Variants in HOMER2 observed in about 807,000 individuals in gnomAD.
The protein encoded by HOMER2 is homer scaffold protein 2.
A neutral mutation model predicts 47.0 loss-of-function variants in HOMER2; 27 were observed. That is an observed-to-expected ratio of 0.57 (90% CI 0.42 to 0.79). The LOEUF is 0.79. Among genes scored for constraint, HOMER2 ranks in the 30% least tolerant of loss-of-function variants. The pLI, the probability that HOMER2 is intolerant of heterozygous loss-of-function variation, is 0.00. For missense variants in HOMER2, 443 were observed against 435.0 expected, an observed-to-expected ratio of 1.02 and a Z score of -0.16; for synonymous variants, 161 against 163.8, an observed-to-expected ratio of 0.98 and a Z score of 0.13.
chr15:82,839,382 C>G (rs1360881663), exon 2 of HOMER2: 1 of 152,226 alleles, frequency 6.6e-6, no homozygotes, highest in Non-Finnish European at 1.5e-5. Context: ...CCCCAGCCCC[C>G]ACTTCCACTT....
Position 82,841,309 on chromosome 15 carries a change from TA to T in HOMER2, c.*5964del, listed in dbSNP as rs547417474. 5 of 152,284 alleles carry T rather than the reference TA, an allele frequency of 3.3e-5. No individual in the cohort carries two copies. In the South Asian group the frequency reaches 8.3e-4, roughly 25 times the overall value. The allele number at this position is 152,284 out of a possible 1,614,324, so 9.4% of individuals were successfully genotyped here. A position where few individuals can be genotyped will look rare whatever the true frequency, so the allele number is the denominator to read the frequency against. Reference sequence around the variant, plus strand: ...GATGTCTTAACATTAGCAAATCTATTAAAACGATTCATCTAAAGTCATAATA... The same window carrying T: ...GATGTCTTAACATTAGCAAATCTATTAAACGATTCATCTAAAGTCATAATA... On this transcript the variant is annotated 3_prime_UTR_variant, in exon 2 of 2. Transcript: ENST00000558090.
intron 2 of HOMER2, among the ~76,000 whole-genome samples, chr15:82,881,159 G>A (rs1341121152): frequency 6.6e-6 from 1 of 152,220 alleles, no homozygotes; most frequent in Non-Finnish European, 1.5e-5. Flanking sequence ...AACTTTCACA[G>A]AGAAAGAAGC....
At chr15:82,915,722 C>T (rs966325146) in intron 1 of HOMER2, among the ~76,000 whole-genome samples, 1 of 152,128 alleles carries the variant, frequency 6.6e-6, no homozygotes, top group African/African-American at 2.4e-5. Context: ...AACCCAACAA[C>T]TCCACTTCTT....
chr15:82,845,403 TGTAA>T (rs1334017613), downstream of HOMER2: 1 of 152,158 alleles, frequency 6.6e-6, no homozygotes, highest in East Asian at 1.9e-4. Flanking sequence ...GGAAGAGGCA[TGTAA>T]GTAACATTTT....
chr15:82,974,235 T>C (rs1820204621), intron 1 of HOMER2, among the ~76,000 whole-genome samples: 1 of 150,300 alleles, frequency 6.7e-6, no homozygotes, highest in South Asian at 2.1e-4. Context: ...AGAAAACCCA[T>C]CTCTACTAAA....
rs189686233 is a variant in HOMER2, at chr15:82,876,958, T to C, written c.163-1554A>G. Among the ~76,000 whole-genome samples the C allele has an allele frequency of 1.2e-4, 18 of 152,356 alleles. No homozygotes were observed. The South Asian group carries it at 1.4e-3, about 12-fold the overall frequency. On this transcript the variant is annotated intron_variant, in intron 2 of 8. Transcript: ENST00000450735. ...CTACATTTATCTATCTATCAGACTA[T>C]TGAGTTTGCTGATAAGCCACTGGCT... is the stretch of plus-strand genomic sequence containing the variant.
At chr15:82,899,796 G>A (rs939048667) in intron 1 of HOMER2, among the ~76,000 whole-genome samples, 4 of 152,174 alleles carry the variant, frequency 2.6e-5, no homozygotes, top group Non-Finnish European at 5.9e-5. Context: ...GCCAAGGTGG[G>A]CGGATCACTT....
At chr15:82,976,418 C>T (rs1172359452) in intron 1 of HOMER2, among the ~76,000 whole-genome samples, 2 of 152,088 alleles carry the variant, frequency 1.3e-5, no homozygotes, top group African/African-American at 4.8e-5. Context: ...CTGCCTTAGC[C>T]TCCCAAGTAG....
At chr15:82,963,892 C>T (rs1011317525) in intron 1 of HOMER2, among the ~76,000 whole-genome samples, 13 of 152,160 alleles carry the variant, frequency 8.5e-5, no homozygotes, top group African/African-American at 3.1e-4. Context: ...TTACTTCCAC[C>T]TCTGCTGCCA....
intron 1 of HOMER2, among the ~76,000 whole-genome samples, chr15:82,921,925 A>G (rs1156482332): frequency 6.6e-6 from 1 of 152,192 alleles, no homozygotes. Context: ...ACTTTTCATA[A>G]TCTCCTTATT....
chr15:82,903,574 G>A (rs2053196363), intron 1 of HOMER2, among the ~76,000 whole-genome samples: 1 of 152,008 alleles, frequency 6.6e-6, no homozygotes, highest in Admixed American at 6.6e-5. Flanking sequence ...GGCCGAGATT[G>A]CGCCATTGCA....
At chr15:82,852,112 AG>A in intron 7 of HOMER2, 29 bp downstream of exon 7, 2 of 1,541,340 alleles carry the variant, frequency 1.3e-6, no homozygotes, top group Non-Finnish European at 1.8e-6. Flanking sequence ...GAGGACGCCA[AG>A]GGGCCCTGCT....
intron 3 of HOMER2, among the ~76,000 whole-genome samples, chr15:82,866,944 T>C (rs2051988222): frequency 6.6e-6 from 1 of 152,182 alleles, no homozygotes; most frequent in African/African-American, 2.4e-5. Flanking sequence ...AAATAATCAT[T>C]TTTAAAGGTG....
chr15:82,892,392 A>G (rs949558979), intron 2 of HOMER2, among the ~76,000 whole-genome samples: 7 of 152,226 alleles, frequency 4.6e-5, no homozygotes, highest in Non-Finnish European at 8.8e-5. Flanking sequence ...CTCATTATTT[A>G]TAATAGCAAA....
chr15:82,914,027 T>A (rs935043194), intron 1 of HOMER2, among the ~76,000 whole-genome samples: 1 of 151,826 alleles, frequency 6.6e-6, no homozygotes, highest in Non-Finnish European at 1.5e-5. Context: ...ACACATAGAA[T>A]CGAATAGCCT....
intron 3 of HOMER2, among the ~76,000 whole-genome samples, chr15:82,868,622 C>T (rs1282299849): frequency 7.0e-6 from 1 of 143,662 alleles, no homozygotes; most frequent in Non-Finnish European, 1.5e-5. Flanking sequence ...GATCTTGGCT[C>T]ACTGCAACGT....
chr15:82,934,310 G>A (rs1001030672), intron 1 of HOMER2, among the ~76,000 whole-genome samples: 3 of 151,538 alleles, frequency 2.0e-5, no homozygotes, highest in African/African-American at 4.9e-5. Context: ...CTCCTCTTCC[G>A]CCCACCACCT....
intron 1 of HOMER2, among the ~76,000 whole-genome samples, chr15:82,984,296 T>C (rs1031086119): frequency 6.6e-6 from 1 of 152,062 alleles, no homozygotes; most frequent in Non-Finnish European, 1.5e-5. Context: ...CCTCCCAAAG[T>C]GCTGGGATTA....
In HOMER2 at chr15:82,938,726, G is replaced by GT. The variant is rs11376050; in HGVS notation, c.5+13804dup. 2.3e-3 allele frequency among the ~76,000 whole-genome samples: 355 copies of GT among 152,292 alleles called. 2 individuals are homozygous for GT. The highest frequency in any genetic ancestry group is 7.8e-3 in the African/African-American group (324 of 41,554). On this transcript the variant is annotated intron_variant, in intron 1 of 8. Transcript: ENST00000450735. ...ATGCATTTTGCCTGCAAATGGATTT[G>GT]TGTTTTCACATTTGGCTGAGGCTGC... is the stretch of plus-strand genomic sequence containing the variant.
Sources: gnomAD v4.1 joint callset for allele counts (sites outside exome capture counted in the v4.1 genomes callset) on GRCh38, gnomAD v4.1.1 for gene constraint, MANE v1.5 for transcripts, NCBI Gene and HGNC (gene_info 2026-07-23, HGNC 2026-07-21) for gene names.